Variants in PIR observed in about 807,000 individuals in gnomAD.
The protein encoded by PIR is pirin.
In PIR, 22 loss-of-function variants were observed where a neutral mutation model predicts 24.2. The ratio of observed to expected loss-of-function variants is 0.91; its 90% CI spans 0.65 to 1.30. The LOEUF (loss-of-function observed/expected upper bound fraction) is 1.30, where lower values mean the gene tolerates loss of function less well. PIR is among the 50% of genes most tolerant of loss of function. The probability of loss-of-function intolerance (pLI) is 0.00; values close to 1 mark genes in which losing one functional copy is unlikely to be tolerated. For synonymous variants in PIR, 80 were observed against 79.6 expected, an observed-to-expected ratio of 1.00 and a Z score of -0.03; for missense variants, 220 against 220.3, an observed-to-expected ratio of 1.00 and a Z score of 0.01.
intron 6 of PIR, among the ~76,000 whole-genome samples, chrX:15,417,697 T>C (rs900865765): frequency 3.6e-5 from 4 of 111,798 alleles, no homozygotes; most frequent in Non-Finnish European, 3.8e-5. Context: ...ATTTGTTTTC[T>C]TGCCTTTTTC....
intron 3 of PIR, among the ~76,000 whole-genome samples, chrX:15,479,099 T>C (rs1436147374): frequency 8.9e-6 from 1 of 112,296 alleles, no homozygotes; most frequent in Admixed American, 9.5e-5. Flanking sequence ...TAACTAAAGC[T>C]GAATATTAAG....
At chrX:15,443,223 T>C (rs779181775) in intron 5 of PIR, among the ~76,000 whole-genome samples, 1 of 112,043 alleles carries the variant, frequency 8.9e-6, no homozygotes, top group Non-Finnish European at 1.9e-5. Context: ...GAACAAAACC[T>C]GAATGAAAGC....
chrX:15,443,592 T>C (rs1296740313), intron 5 of PIR, among the ~76,000 whole-genome samples: 1 of 111,938 alleles, frequency 8.9e-6, no homozygotes, highest in Non-Finnish European at 1.9e-5. Flanking sequence ...ATAAATTTCA[T>C]AAGGCTATAG....
Position 15,425,975 on chromosome X carries a change from G to T in PIR, c.496C>A (p.Arg166Ser), listed in dbSNP as rs762777791. The change falls in exon 6 of 10, where the codon CGC becomes AGC. Residue 166 changes from arginine (R) to serine (S), a missense_variant. By Grantham distance (110) the Arg-to-Ser change is moderately radical. Coordinates refer to ENST00000380420, the MANE Select transcript of PIR (RefSeq NM_001018109.3). Reference protein sequence around the residue: ...ALGIKSKVYTRTPTLYLDFKL... With the variant: ...ALGIKSKVYTSTPTLYLDFKL... The stretch of plus-strand genomic sequence containing the variant: ...AAGTCCAAATATAAGGTTGGTGTGC[G>T]AGTGTAAACCTTGGACTGAAAAGGA... 1 of 1,182,734 alleles carries T rather than the reference G, an allele frequency of 8.5e-7. No individual in the cohort carries two copies. Among genetic ancestry groups the T allele is most frequent in the African/African-American group, 1.7e-5 (1 of 57,203 alleles).
chrX:15,393,454 G>A lies in PIR; in HGVS notation c.694-3203C>T, dbSNP rs763184208. On this transcript the variant is annotated intron_variant, in intron 8 of 9. Transcript: ENST00000380420. Reference sequence around the variant, plus strand: ...ACTCTGAGTATGAATCTAAGGCATGGGTCCCCAACCCCCAGGCCATGGACC... The same window carrying A: ...ACTCTGAGTATGAATCTAAGGCATGAGTCCCCAACCCCCAGGCCATGGACC... Among the ~76,000 whole-genome samples, 16 of 111,149 alleles carry A rather than the reference G, an allele frequency of 1.4e-4. No individual in the cohort carries two copies. In the South Asian group the frequency reaches 1.9e-3, roughly 13 times the overall value.
intron 3 of PIR, among the ~76,000 whole-genome samples, chrX:15,464,635 T>C (rs1921467427): frequency 8.9e-6 from 1 of 112,233 alleles, no homozygotes; most frequent in Non-Finnish European, 1.9e-5. Flanking sequence ...AGAGCGCTTA[T>C]GTCAGAATAG....
chrX:15,446,463 T>C (rs1232738033), intron 5 of PIR, among the ~76,000 whole-genome samples: 1 of 110,911 alleles, frequency 9.0e-6, no homozygotes, highest in African/African-American at 3.3e-5. Flanking sequence ...TGATAGCTGA[T>C]GAGCTCAAAG....
At chrX:15,466,013 T>G (rs75344100) in intron 3 of PIR, among the ~76,000 whole-genome samples, 1 of 97,608 alleles carries the variant, frequency 1.0e-5, no homozygotes, top group African/African-American at 3.8e-5. Context: ...GCTGTTTTTT[T>G]TTTTTTTTTT....
At chrX:15,416,813 C>A (rs1199260498) in intron 6 of PIR, among the ~76,000 whole-genome samples, 1 of 111,258 alleles carries the variant, frequency 9.0e-6, no homozygotes, top group African/African-American at 3.3e-5. Flanking sequence ...AACAAGAGAG[C>A]AGACTCTAGC....
At chrX:15,442,023 A>ATACCTTGT (rs1485550167) in intron 5 of PIR, among the ~76,000 whole-genome samples, 1 of 111,005 alleles carries the variant, frequency 9.0e-6, no homozygotes, top group African/African-American at 3.3e-5. Context: ...ACGTACAGGC[A>ATACCTTGT]TACCTTGTTT....
At chrX:15,438,040 C>T (rs1408854409) in intron 5 of PIR, among the ~76,000 whole-genome samples, 1 of 112,695 alleles carries the variant, frequency 8.9e-6, no homozygotes, top group African/African-American at 3.2e-5. Context: ...AAATTTACCA[C>T]ATCAACCCAT....
At chrX:15,422,926 A>C (rs1299956396) in intron 6 of PIR, among the ~76,000 whole-genome samples, 1 of 112,014 alleles carries the variant, frequency 8.9e-6, no homozygotes. Context: ...ATTATACTAC[A>C]GAGCTATAGT....
intron 7 of PIR, among the ~76,000 whole-genome samples, chrX:15,402,980 G>T (rs1278950641): frequency 8.9e-6 from 1 of 112,096 alleles, no homozygotes; most frequent in Non-Finnish European, 1.9e-5. Flanking sequence ...GTGCCTTTAA[G>T]TCCACTACAA....
chrX:15,420,502 G>A (rs776042333), intron 6 of PIR, among the ~76,000 whole-genome samples: 1 of 111,666 alleles, frequency 9.0e-6, no homozygotes, highest in African/African-American at 3.3e-5. Flanking sequence ...CATAGATCTG[G>A]TGACCATCCC....
At chrX:15,405,181 C>A (rs1481052589) in intron 7 of PIR, among the ~76,000 whole-genome samples, 1 of 111,800 alleles carries the variant, frequency 8.9e-6, no homozygotes, top group Non-Finnish European at 1.9e-5. Context: ...AATTTCTTTC[C>A]CCTTCATTCC....
In PIR at chrX:15,394,887, T is replaced by C. The variant is rs758950860; in HGVS notation, c.693+2562A>G. On this transcript the variant is annotated intron_variant, in intron 8 of 9. Coordinates refer to ENST00000380420, the MANE Select transcript of PIR (RefSeq NM_001018109.3). ...TCATCCCTTCCTTGTCCTCCTCTCC[T>C]GTCCTGGAGATTGGCCACTATAGGA... 3.6e-5 allele frequency among the ~76,000 whole-genome samples: 4 copies of C among 112,240 alleles called. No individual in the cohort carries two copies. In the South Asian group the frequency reaches 1.5e-3, roughly 42 times the overall value.
At chrX:15,478,952 G>C (rs148533929) in intron 3 of PIR, among the ~76,000 whole-genome samples, 1 of 112,264 alleles carries the variant, frequency 8.9e-6, no homozygotes, top group African/African-American at 3.2e-5. Context: ...ACTAATGCAG[G>C]TTGTTCTGGT....
intron 4 of PIR, 94 bp from the exon 5 acceptor site, chrX:15,456,148 C>G (rs1206775942): frequency 2.0e-5 from 14 of 703,090 alleles, no homozygotes; most frequent in Non-Finnish European, 3.1e-5. Flanking sequence ...AGTGAGACAT[C>G]TTACCAGTGC....
intron 6 of PIR, among the ~76,000 whole-genome samples, chrX:15,423,652 G>A (rs923350571): frequency 9.1e-6 from 1 of 110,164 alleles, no homozygotes; most frequent in African/African-American, 3.3e-5. Flanking sequence ...CCACAGAATG[G>A]GAGAAAATAT....
Sources: allele counts gnomAD v4.1 joint callset (sites outside exome capture counted in the v4.1 genomes callset), GRCh38; gene constraint gnomAD v4.1.1; transcripts MANE v1.5; gene names NCBI Gene and HGNC (gene_info 2026-07-23, HGNC 2026-07-21).